The following PPARGC1B variants were observed in gnomAD, a reference collection of about 807,000 sequenced individuals.
PPARGC1B encodes the protein PPARG coactivator 1 beta, also known as peroxisome proliferator-activated receptor gamma coactivator 1-beta.
In PPARGC1B, 34 loss-of-function variants were observed where a neutral mutation model predicts 101.6. The observed-to-expected ratio is 0.33, with a 90% confidence interval of 0.25 to 0.45. PPARGC1B has a LOEUF of 0.45. Among genes scored for constraint, PPARGC1B ranks in the 20% least tolerant of loss-of-function variants. PPARGC1B has a pLI of 1.00. For missense variants in PPARGC1B, 1,234 were observed against 1,317.6 expected, an observed-to-expected ratio of 0.94 and a Z score of 0.98; for synonymous variants, 548 against 539.3, an observed-to-expected ratio of 1.02 and a Z score of -0.22.
intron 1 of PPARGC1B, among the ~76,000 whole-genome samples, chr5:149,734,093 G>A (rs932987895): frequency 2.6e-5 from 4 of 151,826 alleles, no homozygotes; most frequent in Admixed American, 6.6e-5. Context: ...AGGCCGAGGC[G>A]GGTGAATCAC....
intron 1 of PPARGC1B, among the ~76,000 whole-genome samples, chr5:149,799,549 T>C (rs2113284675): frequency 6.6e-6 from 1 of 152,188 alleles, no homozygotes; most frequent in Admixed American, 6.5e-5. Context: ...CCTGCTGATA[T>C]GTATGTGCAC....
chr5:149,779,714 TG>T (rs1167120155), intron 1 of PPARGC1B, among the ~76,000 whole-genome samples: 8 of 152,154 alleles, frequency 5.3e-5, no homozygotes, highest in Non-Finnish European at 1.0e-4. Context: ...TGAAAAGGTC[TG>T]GAGGGGTTCC....
rs1758751645 is a variant in PPARGC1B, at chr5:149,830,788, A to C, written c.487A>C (p.Thr163Pro). ...TCAGCTGCAGAAGCTCCTCCTGGCC[A>C]CATCCTACCCAACATCAAGCTCTGA... ...LSLLQKLLLA[T>P]SYPTSSSDTQ... is the part of the protein sequence containing the mutation. Residue 163 changes from threonine to proline, a missense_variant, in exon 4 of 12, where the codon ACA becomes CCA. Physicochemically the swap from Thr to Pro is conservative, Grantham distance 38. Around this residue, in one of 3 missense-constraint regions of PPARGC1B, gnomAD observed 734 missense variants for 768.4 expected, o/e 0.96. Transcript: ENST00000309241. 1 of 1,613,948 alleles carries C rather than the reference A, an allele frequency of 6.2e-7. No homozygotes were observed. The highest frequency in any genetic ancestry group is 1.7e-5 in the Admixed American group (1 of 60,006).
At chr5:149,823,394 A>G (rs1004995869) in intron 2 of PPARGC1B, among the ~76,000 whole-genome samples, 23 of 152,114 alleles carry the variant, frequency 1.5e-4, no homozygotes, top group Non-Finnish European at 3.1e-4. Flanking sequence ...GATCTCTGAT[A>G]TTCTTTCTGC....
rs532819938 is a variant in PPARGC1B, at chr5:149,744,631, A to G, written c.78+14211A>G. On this transcript the variant is annotated intron_variant, in intron 1 of 11. Transcript: ENST00000309241. Reference sequence around the variant, plus strand: ...AGCAGGCAAAAGTTTTGGCATTCCAAGTTATTTATAAAGTTTGCATATTGT... The same window carrying G: ...AGCAGGCAAAAGTTTTGGCATTCCAGGTTATTTATAAAGTTTGCATATTGT... Among the ~76,000 whole-genome samples the G allele has an allele frequency of 2.7e-4, 41 of 152,358 alleles. 1 individual carries two copies. The Middle Eastern group carries it at 0.014, about 51-fold the overall frequency.
chr5:149,847,072 G>A (rs986086653), intron 11 of PPARGC1B: 19 of 325,950 alleles, frequency 5.8e-5, no homozygotes, highest in African/African-American at 3.6e-4. Flanking sequence ...GTGACAGAGC[G>A]AGACTGCATC....
At chr5:149,801,110 G>A (rs1757416581) in intron 1 of PPARGC1B, among the ~76,000 whole-genome samples, 1 of 152,192 alleles carries the variant, frequency 6.6e-6, no homozygotes, top group Non-Finnish European at 1.5e-5. Context: ...GGACGAGTGG[G>A]TGATATGGGC....
chr5:149,778,060 AT>A (rs1402197603), intron 1 of PPARGC1B, among the ~76,000 whole-genome samples: 1 of 31,660 alleles, frequency 3.2e-5, no homozygotes, highest in Non-Finnish European at 5.5e-5. Context: ...ATGTAGCAGC[AT>A]CTCACACACA....
chr5:149,830,230 A>G (rs1175871556), intron 3 of PPARGC1B, among the ~76,000 whole-genome samples: 4 of 151,034 alleles, frequency 2.6e-5, no homozygotes, highest in Admixed American at 2.0e-4. Flanking sequence ...GCCCTTTAGT[A>G]TTTGTGATGT....
rs368870531 is a variant in PPARGC1B, at chr5:149,756,377, A to T, written c.78+25957A>T. On this transcript the variant is annotated intron_variant, in intron 1 of 11. Coordinates refer to ENST00000309241, the MANE Select transcript of PPARGC1B (RefSeq NM_133263.4). ...TGAGGCAGGAGAATCACTTGAACCC[A>T]GGAGGCAGAGGTTGTGGTGAGCCAA... Among the ~76,000 whole-genome samples, 179 of 152,146 alleles carry T rather than the reference A, an allele frequency of 1.2e-3. 5 individuals are homozygous for T. The South Asian group carries it at 0.033, about 28-fold the overall frequency.
At chr5:149,754,912 A>G (rs10476916) in intron 1 of PPARGC1B, among the ~76,000 whole-genome samples, 23,020 of 149,208 alleles carry the variant, frequency 0.15, 1,956 homozygotes, top group Admixed American at 0.19. Context: ...CTCCAGAGTA[A>G]CTGGGACTAC....
intron 1 of PPARGC1B, among the ~76,000 whole-genome samples, chr5:149,755,612 A>C (rs13175766): frequency 1.4e-5 from 1 of 71,826 alleles, no homozygotes. Flanking sequence ...TATTATTATT[A>C]TTGTTATTAT....
chr5:149,754,135 A>G (rs113557917), intron 1 of PPARGC1B, among the ~76,000 whole-genome samples: 1 of 152,232 alleles, frequency 6.6e-6, no homozygotes, highest in Non-Finnish European at 1.5e-5. Context: ...GACTTCGTTG[A>G]TCTTTGCCAA....
At chr5:149,831,359 G>GT (rs540793602) in intron 4 of PPARGC1B, among the ~76,000 whole-genome samples, 4 of 152,156 alleles carry the variant, frequency 2.6e-5, no homozygotes, top group African/African-American at 2.4e-5. Flanking sequence ...AAGAAGAGGC[G>GT]TAACAGGTGT....
At chr5:149,820,877 C>T (rs1410935315) in intron 2 of PPARGC1B, among the ~76,000 whole-genome samples, 2 of 152,180 alleles carry the variant, frequency 1.3e-5, no homozygotes, top group Non-Finnish European at 2.9e-5. Context: ...CAAGCCCCTT[C>T]GTGTGCCACA....
At chr5:149,764,265 C>T (rs1425846077) in intron 1 of PPARGC1B, among the ~76,000 whole-genome samples, 1 of 152,188 alleles carries the variant, frequency 6.6e-6, no homozygotes, top group Middle Eastern at 3.4e-3. Flanking sequence ...AGGGCTGGGC[C>T]ATGTGTGGAT....
chr5:149,846,012 A>G (rs1027599646), intron 11 of PPARGC1B, 98 bp downstream of exon 11: 1 of 1,429,450 alleles, frequency 7.0e-7, no homozygotes, highest in Non-Finnish European at 9.8e-7. Flanking sequence ...CCTTGTGGAC[A>G]TAGCTTCCAT....
chr5:149,750,507 G>C (rs939704032), intron 1 of PPARGC1B, among the ~76,000 whole-genome samples: 11 of 131,520 alleles, frequency 8.4e-5, no homozygotes, highest in Admixed American at 3.9e-4. Flanking sequence ...GGGGAAGGAA[G>C]GTGTCAGTGA....
chr5:149,785,100 G>A (rs4705378), intron 1 of PPARGC1B, among the ~76,000 whole-genome samples: 100,791 of 152,044 alleles, frequency 0.66, 34,566 homozygotes, highest in African/African-American at 0.84. Context: ...AACAGAGTTC[G>A]GGAGATCTGG....
Sources: allele counts gnomAD v4.1 joint callset (sites outside exome capture counted in the v4.1 genomes callset), GRCh38; gene constraint gnomAD v4.1.1; regional missense constraint gnomAD v4.1.1; transcripts MANE v1.5; gene names NCBI Gene and HGNC (gene_info 2026-07-23, HGNC 2026-07-21).